Variants in TBC1D16 observed in about 807,000 individuals in gnomAD.
TBC1D16 encodes CTD-2529O21.1.
Under a neutral mutation model 74.7 loss-of-function variants are expected in TBC1D16, and 58 were observed. The observed-to-expected ratio is 0.78, with a 90% CI of 0.63 to 0.97. The LOEUF is 0.97. Among genes scored for constraint, TBC1D16 ranks in the 50% least tolerant of loss-of-function variants. TBC1D16 has a pLI of 0.00. For synonymous variants in TBC1D16, 493 were observed against 474.7 expected (o/e 1.04, Z -0.50); for missense variants, 1,014 against 1,079.5 (o/e 0.94, Z 0.85).
Position 79,988,072 on chromosome 17 carries a change from C to A in TBC1D16, c.779+22088G>T, listed in dbSNP as rs546873858. Among the ~76,000 whole-genome samples, 4 of 152,196 alleles carry A rather than the reference C, an allele frequency of 2.6e-5. No individual in the cohort carries two copies. The East Asian group carries it at 7.7e-4, about 29-fold the overall frequency. On this transcript the variant is annotated intron_variant, in intron 3 of 11. Transcript: ENST00000310924. This position sits in a 1 kb window ranked among gnomAD's most constrained non-coding sequence, Gnocchi z 5.7. ...ATTCAATATTTCCTTCTGATTCAAA[C>A]GAAATACTTCTAAGTTCTTCTCTGT... is the stretch of plus-strand genomic sequence containing the variant.
intron 3 of TBC1D16, 139 bp from the exon 4 acceptor site, chr17:79,952,957 G>A (rs370869766): frequency 4.5e-6 from 4 of 880,852 alleles, no homozygotes; most frequent in South Asian, 1.9e-5. Context: ...AATATGCCCT[G>A]TAAACACCTG....
intron 3 of TBC1D16, among the ~76,000 whole-genome samples, chr17:79,989,994 T>C (rs2034998898): frequency 6.6e-6 from 1 of 152,172 alleles, no homozygotes; most frequent in African/African-American, 2.4e-5. Flanking sequence ...AAACCTGCGC[T>C]CAGATTTCCC....
rs2034557166 is a variant in TBC1D16, at chr17:79,981,024, T to C, written c.780-28206A>G. ...ACAGTCATGATACCAATCACCAACA[T>C]CCTTTGATAAGACCTTGGCTACTCA... On this transcript the variant is annotated intron_variant, in intron 3 of 11. Coordinates refer to ENST00000310924, the MANE Select transcript of TBC1D16 (RefSeq NM_019020.4). This position sits in a 1 kb window ranked among gnomAD's most constrained non-coding sequence, Gnocchi z 6.9. 6.6e-6 allele frequency among the ~76,000 whole-genome samples: 1 copy of C among 152,184 alleles called. No individual in the cohort carries two copies. Among genetic ancestry groups the C allele is most frequent in the Admixed American group, 6.5e-5 (1 of 15,280 alleles).
At position 79,980,567 on chromosome 17, in the gene TBC1D16, A is replaced by G. The variant is rs1598382400; in HGVS notation, c.780-27749T>C. Among the ~76,000 whole-genome samples, 1 of 152,184 alleles carries G rather than the reference A, an allele frequency of 6.6e-6. No individual in the cohort carries two copies. The highest frequency in any genetic ancestry group is 1.9e-4 in the East Asian group (1 of 5,194). On this transcript the variant is annotated intron_variant, in intron 3 of 11. Transcript: ENST00000310924. The surrounding 1 kb of genome is among the most constrained non-coding windows in gnomAD (Gnocchi z 7.0). ...GTCTGTTCCTCTCCCTAACCAGGAC[A>G]CTGTGGTGCAGACAGTGTAGGGACT...
rs1445385281 is a variant in TBC1D16 at position 79,945,057 on chromosome 17, G to A, written c.1759C>T (p.His587Tyr). ...ACCAGGTGCTGGTAGAAGCGCACGTGCGTCAGCCGCAGCAGCTCGCGCAGG... is the reference window on the plus strand; with the variant it reads ...ACCAGGTGCTGGTAGAAGCGCACGTACGTCAGCCGCAGCAGCTCGCGCAGG... ...LYLRELLRLT[H>Y]VRFYQHLVSL... The change falls in exon 10 of 12, where the codon CAC becomes TAC. Residue 587 changes from histidine to tyrosine, a missense_variant. Physicochemically the swap from His to Tyr is moderately conservative, Grantham distance 83. Transcript: ENST00000310924. The A allele has an allele frequency of 6.3e-7, 1 of 1,585,470 alleles. No homozygotes were observed. The highest frequency in any genetic ancestry group is 8.6e-7 in the Non-Finnish European group (1 of 1,167,502).
At chr17:79,943,839 G>T (rs1455147325) in intron 10 of TBC1D16, 11 of 1,370,684 alleles carry the variant, frequency 8.0e-6, no homozygotes, top group Non-Finnish European at 1.0e-5. Context: ...GTAAAGGAAT[G>T]AGGGCGGCAA....
intron 9 of TBC1D16, among the ~76,000 whole-genome samples, chr17:79,945,784 T>TCA (rs1203173040): frequency 6.6e-6 from 1 of 152,248 alleles, no homozygotes; most frequent in Non-Finnish European, 1.5e-5. Context: ...ACACCCGACG[T>TCA]CACACACACC....
At chr17:79,972,104 G>C (rs536484082) in intron 3 of TBC1D16, among the ~76,000 whole-genome samples, 1 of 152,272 alleles carries the variant, frequency 6.6e-6, no homozygotes, top group South Asian at 2.1e-4. Context: ...TCCATCGATG[G>C]GTGAATGGAG....
At chr17:79,996,761 A>G (rs1232800135) in intron 3 of TBC1D16, among the ~76,000 whole-genome samples, 3 of 152,144 alleles carry the variant, frequency 2.0e-5, no homozygotes, top group African/African-American at 4.8e-5. Context: ...TAATCACACA[A>G]TCAATCCACA....
At chr17:79,955,461 A>C (rs1186537742) in intron 3 of TBC1D16, among the ~76,000 whole-genome samples, 1 of 152,272 alleles carries the variant, frequency 6.6e-6, no homozygotes, top group Non-Finnish European at 1.5e-5. Context: ...GTCACAGAAA[A>C]AAATGTTTAA....
At position 79,951,515 on chromosome 17, in the gene TBC1D16, G is replaced by T; in HGVS notation, c.1024C>A (p.Leu342Met). Reference protein sequence around the residue: ...YKVFHFHHGGLDKLSDVFQQW... With the variant: ...YKVFHFHHGGMDKLSDVFQQW... ...TGGAACACGTCAGACAGCTTGTCCA[G>T]GCCGCCGTGGTGGAAGTGGAAAACC... The change falls in exon 5 of 12, where the codon CTG (leucine) becomes ATG (methionine). Residue 342 changes from leucine to methionine, a missense_variant. By Grantham distance (15) the Leu-to-Met change is conservative (BLOSUM62 2). Coordinates refer to ENST00000310924, the MANE Select transcript of TBC1D16 (RefSeq NM_019020.4). 6.2e-7 allele frequency: 1 copy of T among 1,614,106 alleles called. No individual in the cohort carries two copies.
At chr17:79,972,520 G>C (rs1248426420) in intron 3 of TBC1D16, among the ~76,000 whole-genome samples, 1 of 152,178 alleles carries the variant, frequency 6.6e-6, no homozygotes, top group Non-Finnish European at 1.5e-5. Context: ...CAGCATGAAT[G>C]ACACCTGACG....
chr17:80,018,694 T>A (rs1320201196), intron 1 of TBC1D16, among the ~76,000 whole-genome samples: 1 of 149,322 alleles, frequency 6.7e-6, no homozygotes. Context: ...CTGAAACTCC[T>A]GGGCTCAAGG....
rs948417686 is a variant in TBC1D16 at position 79,971,840 on chromosome 17, T to C, written c.780-19022A>G. ...TCCCACGGGGTAGGGATGGGGGCTC[T>C]GGAAGGCTTCCTCTCGGAGCAGGTG... On this transcript the variant is annotated intron_variant, in intron 3 of 11. Coordinates refer to ENST00000310924, the MANE Select transcript of TBC1D16 (RefSeq NM_019020.4). This position sits in a 1 kb window ranked among gnomAD's most constrained non-coding sequence, Gnocchi z 4.6. 6.6e-6 allele frequency among the ~76,000 whole-genome samples: 1 copy of C among 151,894 alleles called. No homozygotes were observed. The highest frequency in any genetic ancestry group is 1.5e-5 in the Non-Finnish European group (1 of 67,954).
intron 3 of TBC1D16, among the ~76,000 whole-genome samples, chr17:79,978,930 A>G (rs889737963): frequency 6.6e-6 from 1 of 152,248 alleles, no homozygotes; most frequent in Admixed American, 6.5e-5. Context: ...TTGAGAGCCA[A>G]TCGTTCTGTT....
rs2031829733 is a variant in TBC1D16 at position 79,939,651 on chromosome 17, A to G, written c.*1208T>C. 1 of 152,152 alleles carries G rather than the reference A, an allele frequency of 6.6e-6. No individual in the cohort carries two copies. Among genetic ancestry groups the G allele is most frequent in the African/African-American group, 2.4e-5 (1 of 41,448 alleles). The allele number at this position is 152,152 out of a possible 1,614,324, so 9.4% of individuals were successfully genotyped here. On this transcript the variant is annotated 3_prime_UTR_variant, in exon 12 of 12. Transcript: ENST00000310924. ...GGAGTTCTCACAGCATAGATCGCACACCCTTTTCTGTCCATCTCTAAATCC... is the reference window on the plus strand; with the variant it reads ...GGAGTTCTCACAGCATAGATCGCACGCCCTTTTCTGTCCATCTCTAAATCC...
rs2035171437 is a variant in TBC1D16 at position 79,993,930 on chromosome 17, G to T, written c.779+16230C>A. Among the ~76,000 whole-genome samples the T allele has an allele frequency of 6.6e-6, 1 of 152,176 alleles. No individual in the cohort carries two copies. Among genetic ancestry groups the T allele is most frequent in the South Asian group, 2.1e-4 (1 of 4,826 alleles). ...GGTTGCGTCAAGGCCTCCCGGAGCA[G>T]CTGTCAATGGTTTCTGAGCTGCGGT... On this transcript the variant is annotated intron_variant, in intron 3 of 11. Transcript: ENST00000310924. This position sits in a 1 kb window ranked among gnomAD's most constrained non-coding sequence, Gnocchi z 5.1.
intron 3 of TBC1D16, among the ~76,000 whole-genome samples, chr17:79,970,008 A>G (rs1266980706): frequency 6.6e-6 from 1 of 152,326 alleles, no homozygotes; most frequent in African/African-American, 2.4e-5. Context: ...TCATAGTAGC[A>G]TTATTCATCA....
At chr17:79,958,435 G>A (rs539178967) in intron 3 of TBC1D16, among the ~76,000 whole-genome samples, 1 of 152,206 alleles carries the variant, frequency 6.6e-6, no homozygotes, top group East Asian at 1.9e-4. Context: ...GGCCAGTCTC[G>A]TCTGGAACTC....
Sources: allele counts gnomAD v4.1 joint callset (sites outside exome capture counted in the v4.1 genomes callset), GRCh38; gene constraint gnomAD v4.1.1; non-coding constraint Gnocchi (gnomAD v3.1); transcripts MANE v1.5; gene names NCBI Gene and HGNC (gene_info 2026-07-23, HGNC 2026-07-21).